The following DHX57 variants were observed in gnomAD, a reference collection of about 807,000 sequenced individuals.
DHX57 encodes the protein putative ATP-dependent RNA helicase DHX57.
A neutral mutation model predicts 156.2 loss-of-function variants in DHX57; 105 were observed. That is an observed-to-expected ratio of 0.67 (90% confidence interval 0.57 to 0.79). DHX57 has a LOEUF of 0.79. DHX57 is among the 30% of genes least tolerant of loss of function. The pLI is 0.00. For missense variants in DHX57, 1,847 were observed against 1,661.9 expected (o/e 1.11, Z -1.94); for synonymous variants, 704 against 595.6 (o/e 1.18, Z -2.65).
chr2:38,832,360 A>T (rs923572419), intron 13 of DHX57, among the ~76,000 whole-genome samples: 1 of 151,820 alleles, frequency 6.6e-6, no homozygotes, highest in Admixed American at 6.6e-5. Context: ...CAATTGCTTG[A>T]ACCCAGGAGG....
chr2:38,869,863 C>T (rs1200857512), intron 1 of DHX57, among the ~76,000 whole-genome samples: 1 of 152,038 alleles, frequency 6.6e-6, no homozygotes, highest in Non-Finnish European at 1.5e-5. Context: ...TGAGTGAGAA[C>T]AGATGTCAGA....
At position 38,858,662 on chromosome 2, in the gene DHX57, T is replaced by C. The variant is rs1489171322; in HGVS notation, c.1586A>G (p.Gln529Arg). 6.2e-7 allele frequency: 1 copy of C among 1,612,848 alleles called. No individual in the cohort carries two copies. The highest frequency in any genetic ancestry group is 1.7e-5 in the Admixed American group (1 of 59,714). Residue 529 changes from glutamine to arginine, a missense_variant and splice_region_variant, in exon 6 of 24, where the codon CAG (glutamine) becomes CGG (arginine). Transcript: ENST00000457308. Reference sequence around the variant, plus strand: ...ACTCATTCTCTCAGCATACCCTACCTGTTTCATTCGGAACTGCTTGCAGAT... The same window carrying C: ...ACTCATTCTCTCAGCATACCCTACCCGTTTCATTCGGAACTGCTTGCAGAT... ...GKICKQFRMK[Q>R]ASRQFQSILQ... is the part of the protein sequence containing the mutation.
At chr2:38,860,961 C>G (rs2124929064) in intron 5 of DHX57, 38 bp downstream of exon 5, 1 of 1,562,514 alleles carries the variant, frequency 6.4e-7, no homozygotes, top group Non-Finnish European at 8.7e-7. Context: ...ACCCATCATT[C>G]TGAATGCCTC....
chr2:38,813,844 C>A lies in DHX57; in HGVS notation c.3658G>T (p.Ala1220Ser). 1 of 1,613,660 alleles carries A rather than the reference C, an allele frequency of 6.2e-7. No individual in the cohort carries two copies. Among genetic ancestry groups the A allele is most frequent in the Non-Finnish European group, 8.5e-7 (1 of 1,179,692 alleles). Residue 1220 changes from alanine to serine, a missense_variant, in exon 21 of 24, where the codon GCT (alanine) becomes TCT (serine). Coordinates refer to ENST00000457308, the MANE Select transcript of DHX57 (RefSeq NM_198963.3). The part of the protein sequence containing the change: ...PKLISAMLCA[A>S]LYPNVVQVKS... ...ACCTGCACTACATTTGGATACAAAG[C>A]AGCACACAGCATTGCTGATATCAGC...
chr2:38,798,075 A>C lies in DHX57; in HGVS notation c.*224T>G, dbSNP rs1299709895. 5 of 435,536 alleles carry C rather than the reference A, an allele frequency of 1.1e-5. No homozygotes were observed. Among genetic ancestry groups the C allele is most frequent in the African/African-American group, 2.0e-5 (1 of 50,120 alleles). The allele number at this position is 435,536 out of a possible 1,614,324, so 27.0% of individuals were successfully genotyped here. A position where few individuals can be genotyped will look rare whatever the true frequency, so the allele number is the denominator to read the frequency against. ...GACAAAGACAGGCAAGCTGGGTTTT[A>C]GGCTCTCACCCTTGACACTCCAAAT... On this transcript the variant is annotated 3_prime_UTR_variant, in exon 24 of 24. Transcript: ENST00000457308.
At position 38,843,108 on chromosome 2, in the gene DHX57, T is replaced by C; in HGVS notation, c.2322A>G (p.Glu774=). 6.2e-7 allele frequency: 1 copy of C among 1,614,238 alleles called. No individual in the cohort carries two copies. Among genetic ancestry groups the C allele is most frequent in the Non-Finnish European group, 8.5e-7 (1 of 1,180,038 alleles). ...GGTGAAGGGAGAGCCTTAGGTCTTC[T>C]TCCACTTCTTCAAATGCAGTTCTGT... The part of the protein sequence containing the change: ...RRNRTAFEEV[E]EDLRLSLHLQ... The change falls in exon 12 of 24, where the codon GAA becomes GAG. Residue 774 remains glutamate (E), a synonymous_variant. Coordinates refer to ENST00000457308, the MANE Select transcript of DHX57 (RefSeq NM_198963.3).
At chr2:38,828,544 T>C (rs905514139) in intron 13 of DHX57, 108 bp from the exon 14 acceptor site, 10 of 710,360 alleles carry the variant, frequency 1.4e-5, no homozygotes, top group African/African-American at 1.1e-4. Context: ...GAAAAACTAA[T>C]ATAGATTATA....
At chr2:38,862,444 T>G (rs1406867093) in intron 3 of DHX57, 111 bp from the exon 4 acceptor site, 11 of 1,068,204 alleles carry the variant, frequency 1.0e-5, no homozygotes, top group African/African-American at 1.6e-5. Flanking sequence ...ACTCTTCAGT[T>G]GCTGATTTAA....
Position 38,861,575 on chromosome 2 carries a change from C to G in DHX57, c.835G>C (p.Glu279Gln). ...NRVWTIGLELEYLTSRFRKSK... is the reference protein window; with the variant it reads ...NRVWTIGLELQYLTSRFRKSK... ...TTGCGGAATCTACTTGTCAGATACTCCAGTTCTAACCCAATGGTCCAGACT... is the reference window on the plus strand; with the variant it reads ...TTGCGGAATCTACTTGTCAGATACTGCAGTTCTAACCCAATGGTCCAGACT... The change falls in exon 5 of 24, where the codon GAG (glutamate) becomes CAG (glutamine). Residue 279 changes from glutamate to glutamine, a missense_variant. Glu to Gln is a conservative substitution (Grantham distance 29, BLOSUM62 2). Transcript: ENST00000457308. The G allele has an allele frequency of 6.2e-7, 1 of 1,614,156 alleles. No individual in the cohort carries two copies. The highest frequency in any genetic ancestry group is 1.6e-4 in the Middle Eastern group (1 of 6,062).
At chr2:38,842,776 G>A (rs907643423) in intron 12 of DHX57, among the ~76,000 whole-genome samples, 1 of 151,974 alleles carries the variant, frequency 6.6e-6, no homozygotes, top group Non-Finnish European at 1.5e-5. Flanking sequence ...TTTCTCTAAT[G>A]AGCACATATT....
At chr2:38,846,699 A>G (rs1431169946) in intron 11 of DHX57, among the ~76,000 whole-genome samples, 2 of 152,094 alleles carry the variant, frequency 1.3e-5, no homozygotes, top group African/African-American at 4.8e-5. Flanking sequence ...AGAGGGGAGA[A>G]CAAAATGTTC....
chr2:38,865,807 T>C (rs1665038154), intron 2 of DHX57, among the ~76,000 whole-genome samples: 1 of 152,216 alleles, frequency 6.6e-6, no homozygotes, highest in Admixed American at 6.5e-5. Context: ...CCTAGATCTT[T>C]TTCTTGAACC....
intron 1 of DHX57, among the ~76,000 whole-genome samples, chr2:38,872,604 A>T (rs1665405777): frequency 6.6e-6 from 1 of 152,242 alleles, no homozygotes; most frequent in African/African-American, 2.4e-5. Flanking sequence ...TACAAAACAG[A>T]CTTTAAAGCA....
chr2:38,829,130 A>C (rs2124826320), intron 13 of DHX57, among the ~76,000 whole-genome samples: 1 of 152,072 alleles, frequency 6.6e-6, no homozygotes, highest in Non-Finnish European at 1.5e-5. Flanking sequence ...TTTAGCAGAG[A>C]TGGGGTTTCG....
intron 14 of DHX57, among the ~76,000 whole-genome samples, chr2:38,827,533 T>TATATATATATATATATAC (rs1222862055): frequency 2.1e-5 from 1 of 48,264 alleles, no homozygotes; most frequent in African/African-American, 6.7e-5. Flanking sequence ...TATATATATA[T>TATATATATATATATATAC]ACACACATAC....
rs1263832343 is a variant in DHX57, at chr2:38,825,929, T to C, written c.2932A>G (p.Thr978Ala). Residue 978 changes from threonine to alanine, a missense_variant, in exon 16 of 24, where the codon ACT becomes GCT. Transcript: ENST00000457308. Reference sequence around the variant, plus strand: ...AGCTGGTGATTGTAGTGATGGCTAGTGAATAAATGGAAGCAGACCCCAGAT... The same window carrying C: ...AGCTGGTGATTGTAGTGATGGCTAGCGAATAAATGGAAGCAGACCCCAGAT... ...VASGVCFHLF[T>A]SHHYNHQLLK... The C allele has an allele frequency of 1.2e-6, 2 of 1,614,052 alleles. No homozygotes were observed. Among genetic ancestry groups the C allele is most frequent in the Non-Finnish European group, 1.7e-6 (2 of 1,180,038 alleles).
At chr2:38,810,051 G>A (rs1670161195) in intron 21 of DHX57, among the ~76,000 whole-genome samples, 3 of 151,656 alleles carry the variant, frequency 2.0e-5, no homozygotes, top group Non-Finnish European at 2.9e-5. Context: ...ACACCACCAC[G>A]CCCAGCTAAT....
intron 4 of DHX57, 135 bp downstream of exon 4, chr2:38,862,010 A>C: frequency 8.1e-7 from 1 of 1,238,264 alleles, no homozygotes; most frequent in Non-Finnish European, 1.1e-6. Flanking sequence ...CCTTCTGATA[A>C]GATAGAATAT....
At position 38,861,853 on chromosome 2, in the gene DHX57, C is replaced by G; in HGVS notation, c.573-16G>C. 1 of 1,559,648 alleles carries G rather than the reference C, an allele frequency of 6.4e-7. No homozygotes were observed. The highest frequency in any genetic ancestry group is 8.7e-7 in the Non-Finnish European group (1 of 1,155,342). On this transcript the variant is annotated splice_polypyrimidine_tract_variant and intron_variant, in intron 4 of 23. Transcript: ENST00000457308. ...GAAACCATACCTGTCAAGGGCAAAA[C>G]ATGACAAAAATGACACATAAAAAGC...
Sources: gnomAD v4.1 joint callset for allele counts (sites outside exome capture counted in the v4.1 genomes callset) on GRCh38, gnomAD v4.1.1 for gene constraint, MANE v1.5 for transcripts, NCBI Gene and HGNC (gene_info 2026-07-23, HGNC 2026-07-21) for gene names.